The following MORC4 variants were observed in gnomAD, a reference collection of about 807,000 sequenced individuals.
The protein encoded by MORC4 is MORC family CW-type zinc finger protein 4.
Under a neutral mutation model 65.5 loss-of-function variants are expected in MORC4, and 22 were observed. The observed-to-expected ratio is 0.34, with a 90% CI of 0.24 to 0.48. The LOEUF (loss-of-function observed/expected upper bound fraction) is 0.48, where lower values mean the gene tolerates loss of function less well. Among genes scored for constraint, MORC4 ranks in the 20% least tolerant of loss-of-function variants. The probability of loss-of-function intolerance (pLI) is 0.99; values close to 1 mark genes in which losing one functional copy is unlikely to be tolerated. For synonymous variants in MORC4, 267 were observed against 255.8 expected, an observed-to-expected ratio of 1.04 and a Z score of -0.42; for missense variants, 624 against 703.0, an observed-to-expected ratio of 0.89 and a Z score of 1.27.
rs1286670163 is a variant in MORC4, at chrX:106,981,035, G to C, written c.808-16C>G. On this transcript the variant is annotated splice_polypyrimidine_tract_variant and intron_variant, in intron 6 of 16. Transcript: ENST00000355610. The stretch of plus-strand genomic sequence containing the variant: ...CACAAAATGCCTACGGAACAGAATG[G>C]TGAAGGGAAAGTTATTATGTGATAT... The C allele has an allele frequency of 8.3e-7, 1 of 1,204,487 alleles. No individual in the cohort carries two copies. Among genetic ancestry groups the C allele is most frequent in the African/African-American group, 1.8e-5 (1 of 56,976 alleles).
rs376093356 is a variant in MORC4, at chrX:106,981,314, C to T, written c.807+31G>A. 37 of 1,154,979 alleles carry T rather than the reference C, an allele frequency of 3.2e-5. No individual in the cohort carries two copies. The African/African-American group carries it at 5.5e-4, about 17-fold the overall frequency. Reference sequence around the variant, plus strand: ...ATTTTCAGGTTACAGGAAATCTTACCTCTCATTGTTGAAAAACCATTCTTA... The same window carrying T: ...ATTTTCAGGTTACAGGAAATCTTACTTCTCATTGTTGAAAAACCATTCTTA... On this transcript the variant is annotated intron_variant, in intron 6 of 16. Coordinates refer to ENST00000355610, the MANE Select transcript of MORC4 (RefSeq NM_024657.5).
intron 9 of MORC4, 52 bp from the exon 10 acceptor site, chrX:106,962,162 C>A (rs777053397): frequency 2.2e-6 from 2 of 899,760 alleles, no homozygotes; most frequent in African/African-American, 2.0e-5. Context: ...TTGAGCAATT[C>A]TTTGATCTTT....
chrX:106,987,093 A>G (rs944393871), intron 3 of MORC4, among the ~76,000 whole-genome samples: 6 of 112,187 alleles, frequency 5.3e-5, no homozygotes, highest in Non-Finnish European at 7.5e-5. Flanking sequence ...AGAAATGAAT[A>G]GAGTTTGGCA....
In MORC4 at chrX:106,986,184, T is replaced by C. The variant is rs1221763330; in HGVS notation, c.325A>G (p.Lys109Glu). Residue 109 changes from lysine (K) to glutamate (E), a missense_variant, in exon 4 of 17, where the codon AAA becomes GAA. Physicochemically the swap from Lys to Glu is moderately conservative, Grantham distance 56. Coordinates refer to ENST00000355610, the MANE Select transcript of MORC4 (RefSeq NM_024657.5). ...HRMLSFGFTD[K>E]VIKKSQCPIG... is the part of the protein sequence containing the mutation. The stretch of plus-strand genomic sequence containing the variant: ...GGACACTGGCTCTTCTTTATTACTT[T>C]ATCTGTAAAGCCAAAGCTGCAATTA... The C allele has an allele frequency of 1.7e-6, 2 of 1,196,487 alleles. No individual in the cohort carries two copies. Among genetic ancestry groups the C allele is most frequent in the Non-Finnish European group, 2.3e-6 (2 of 888,141 alleles).
Position 106,941,416 on chromosome X carries a change from A to T in MORC4, c.*63T>A. 3 of 851,779 alleles carry T rather than the reference A, an allele frequency of 3.5e-6. No homozygotes were observed. The highest frequency in any genetic ancestry group is 2.4e-5 in the African/African-American group (1 of 41,782). 70.2% of individuals were successfully genotyped at this position (851,779 alleles called of 1,213,427 possible). ...AGAGAGAGAGAGAGAGAGAGACGTG[A>T]GGGAGGGAGAGAAAAGAGAACAGAC... On this transcript the variant is annotated 3_prime_UTR_variant, in exon 17 of 17. Coordinates refer to ENST00000355610, the MANE Select transcript of MORC4 (RefSeq NM_024657.5).
chrX:106,954,393 CAAGTA>C (rs1934050682), intron 14 of MORC4, among the ~76,000 whole-genome samples: 1 of 112,089 alleles, frequency 8.9e-6, no homozygotes, highest in South Asian at 3.7e-4. Flanking sequence ...AGAAGGTGAA[CAAGTA>C]AAGTCCAATG....
intron 9 of MORC4, among the ~76,000 whole-genome samples, chrX:106,966,401 C>A (rs1396334917): frequency 8.9e-6 from 1 of 112,546 alleles, no homozygotes; most frequent in Non-Finnish European, 1.9e-5. Context: ...GCATTTCCAA[C>A]TGAGGTACCT....
intron 2 of MORC4, among the ~76,000 whole-genome samples, chrX:106,997,513 C>T (rs1444247161): frequency 1.8e-5 from 2 of 111,943 alleles, no homozygotes. Flanking sequence ...TACTTAGTAT[C>T]TGGCGTAAAA....
intron 9 of MORC4, among the ~76,000 whole-genome samples, chrX:106,965,924 T>TG (rs1934362839): frequency 1.8e-5 from 2 of 112,100 alleles, no homozygotes; most frequent in African/African-American, 3.2e-5. Flanking sequence ...TGTTACACAG[T>TG]GGCAGAAAGC....
chrX:106,963,927 T>C (rs1203901382), intron 9 of MORC4, among the ~76,000 whole-genome samples: 1 of 107,838 alleles, frequency 9.3e-6, no homozygotes, highest in East Asian at 2.9e-4. Flanking sequence ...GAAAGGAGAA[T>C]TTTGTTTCCA....
intron 9 of MORC4, among the ~76,000 whole-genome samples, chrX:106,974,877 G>A (rs2147818095): frequency 9.0e-6 from 1 of 111,587 alleles, no homozygotes; most frequent in Admixed American, 9.5e-5. Flanking sequence ...AAAGGGCAAT[G>A]GTGCCAGAAT....
chrX:106,989,912 G>A (rs1396207529), intron 3 of MORC4, among the ~76,000 whole-genome samples: 2 of 105,438 alleles, frequency 1.9e-5, no homozygotes, highest in East Asian at 6.0e-4. Flanking sequence ...TTCGGGCCAG[G>A]CGTGGTGGCT....
At chrX:106,972,535 T>C (rs1310923931) in intron 9 of MORC4, among the ~76,000 whole-genome samples, 1 of 111,411 alleles carries the variant, frequency 9.0e-6, no homozygotes, top group Non-Finnish European at 1.9e-5. Context: ...AAAAAATAGA[T>C]ATAGGATTCC....
At chrX:106,948,593 C>A (rs1317135318) in intron 14 of MORC4, among the ~76,000 whole-genome samples, 2 of 111,687 alleles carry the variant, frequency 1.8e-5, no homozygotes, top group East Asian at 2.8e-4. Context: ...CTAAAAAAAT[C>A]TCTCTAGTAT....
intron 10 of MORC4, 105 bp downstream of exon 10, chrX:106,961,907 C>A: frequency 1.6e-6 from 1 of 643,463 alleles, no homozygotes; most frequent in Non-Finnish European, 2.4e-6. Context: ...AGTGACACCA[C>A]GAACCCACCA....
At chrX:106,969,111 A>C (rs1934443812) in intron 9 of MORC4, among the ~76,000 whole-genome samples, 1 of 111,099 alleles carries the variant, frequency 9.0e-6, no homozygotes, top group South Asian at 3.8e-4. Context: ...ATGTAAAATA[A>C]AACACAAAAA....
intron 9 of MORC4, among the ~76,000 whole-genome samples, chrX:106,963,085 C>A (rs1270783474): frequency 9.0e-6 from 1 of 111,399 alleles, no homozygotes; most frequent in Non-Finnish European, 1.9e-5. Flanking sequence ...ACTCTTATTC[C>A]CCTTCAACCT....
intron 3 of MORC4, among the ~76,000 whole-genome samples, chrX:106,990,758 G>C (rs144398156): frequency 0.012 from 1,296 of 111,567 alleles, 11 homozygotes; most frequent in Non-Finnish European, 0.017. Context: ...TGTAATCCCA[G>C]CTACTTGGGA....
chrX:106,966,423 T>C (rs370974555), intron 9 of MORC4, among the ~76,000 whole-genome samples: 4 of 112,319 alleles, frequency 3.6e-5, no homozygotes, highest in Non-Finnish European at 7.5e-5. Context: ...GTTCATCTCA[T>C]TGGGACTGGT....
Sources: allele counts gnomAD v4.1 joint callset (sites outside exome capture counted in the v4.1 genomes callset), GRCh38; gene constraint gnomAD v4.1.1; transcripts MANE v1.5; gene names NCBI Gene and HGNC (gene_info 2026-07-23, HGNC 2026-07-21).